Variants in EXOC6B observed in about 807,000 individuals in gnomAD.
EXOC6B encodes the protein SEC15 homolog B.
Under a neutral mutation model 113.5 loss-of-function variants are expected in EXOC6B, and 54 were observed. That is an observed-to-expected ratio of 0.48 (90% CI 0.38 to 0.60). The LOEUF (loss-of-function observed/expected upper bound fraction) is 0.60, where lower values mean the gene tolerates loss of function less well. Ranked by LOEUF, EXOC6B falls within the 20% of genes least tolerant of loss-of-function variation. The pLI, the probability that EXOC6B is intolerant of heterozygous loss-of-function variation, is 0.00. For missense variants in EXOC6B, 797 were observed against 977.5 expected (o/e 0.82, Z 2.46); for synonymous variants, 357 against 339.0 (o/e 1.05, Z -0.58).
intron 6 of EXOC6B, among the ~76,000 whole-genome samples, chr2:72,650,687 A>C (rs1323338973): frequency 6.6e-6 from 1 of 152,104 alleles, no homozygotes; most frequent in Non-Finnish European, 1.5e-5. Flanking sequence ...ATATTTACTG[A>C]AGAGGATATA....
At chr2:72,735,730 C>T (rs1573713039) in intron 2 of EXOC6B, among the ~76,000 whole-genome samples, 1 of 151,458 alleles carries the variant, frequency 6.6e-6, no homozygotes, top group Non-Finnish European at 1.5e-5. Context: ...GCAGGAAAAT[C>T]GCTTGAACCG....
intron 13 of EXOC6B, among the ~76,000 whole-genome samples, chr2:72,497,902 CT>C (rs1411627542): frequency 6.6e-6 from 1 of 152,174 alleles, no homozygotes; most frequent in Non-Finnish European, 1.5e-5. Flanking sequence ...GACAGAATAA[CT>C]TTCTTATTAT....
intron 6 of EXOC6B, among the ~76,000 whole-genome samples, chr2:72,645,727 T>C (rs550255890): frequency 6.6e-6 from 1 of 152,210 alleles, no homozygotes; most frequent in Non-Finnish European, 1.5e-5. Flanking sequence ...GAAATAAAGA[T>C]GTTCTTTGAA....
At chr2:72,312,670 G>A (rs867811683) in intron 20 of EXOC6B, among the ~76,000 whole-genome samples, 1 of 151,676 alleles carries the variant, frequency 6.6e-6, no homozygotes, top group African/African-American at 2.4e-5. Flanking sequence ...CAGGAGAATC[G>A]CTTGAACCCA....
intron 20 of EXOC6B, among the ~76,000 whole-genome samples, chr2:72,187,556 G>A (rs1196175906): frequency 3.3e-5 from 5 of 152,084 alleles, no homozygotes; most frequent in African/African-American, 1.2e-4. Context: ...TAGCAGAAAG[G>A]GTTGCTCCTC....
At chr2:72,236,683 G>C (rs1004766646) in intron 20 of EXOC6B, among the ~76,000 whole-genome samples, 9 of 152,068 alleles carry the variant, frequency 5.9e-5, no homozygotes, top group African/African-American at 2.2e-4. Flanking sequence ...CTCAGCAGAA[G>C]AGTCTTGAAA....
chr2:72,532,288 G>T (rs1156986736), intron 8 of EXOC6B, among the ~76,000 whole-genome samples: 2 of 152,134 alleles, frequency 1.3e-5, no homozygotes, highest in East Asian at 1.9e-4. Flanking sequence ...AAATGCAAGT[G>T]AAATTAACAA....
intron 18 of EXOC6B, among the ~76,000 whole-genome samples, chr2:72,451,304 T>A (rs1317912283): frequency 8.5e-5 from 13 of 152,232 alleles, no homozygotes; most frequent in Non-Finnish European, 1.5e-4. Context: ...GTTGAAAGAC[T>A]GCTTCCCATT....
chr2:72,599,123 A>G (rs957968627), intron 6 of EXOC6B, among the ~76,000 whole-genome samples: 1 of 152,110 alleles, frequency 6.6e-6, no homozygotes, highest in Non-Finnish European at 1.5e-5. Context: ...GTACAGGTCA[A>G]TATCTCTAAT....
intron 18 of EXOC6B, among the ~76,000 whole-genome samples, chr2:72,445,598 T>C (rs539892403): frequency 1.3e-4 from 20 of 152,282 alleles, no homozygotes; most frequent in Middle Eastern, 3.4e-3. Flanking sequence ...GAACAAGTCA[T>C]ATGTGGATAG....
chr2:72,466,099 C>T (rs1698033757), intron 17 of EXOC6B, among the ~76,000 whole-genome samples: 1 of 152,080 alleles, frequency 6.6e-6, no homozygotes, highest in South Asian at 2.1e-4. Context: ...AATCCCAGAA[C>T]TTTGGGAGGC....
intron 11 of EXOC6B, among the ~76,000 whole-genome samples, chr2:72,508,627 A>C (rs542412787): frequency 6.6e-6 from 1 of 152,106 alleles, no homozygotes; most frequent in South Asian, 2.1e-4. Flanking sequence ...CAAAAAAATT[A>C]GTCGGGCATG....
At chr2:72,581,506 C>T (rs1268250028) in intron 6 of EXOC6B, among the ~76,000 whole-genome samples, 1 of 152,026 alleles carries the variant, frequency 6.6e-6, no homozygotes, top group East Asian at 1.9e-4. Context: ...TCATCATGAC[C>T]CAAAGGATTT....
chr2:72,427,733 G>C (rs963563155), intron 18 of EXOC6B, among the ~76,000 whole-genome samples: 2 of 152,168 alleles, frequency 1.3e-5, no homozygotes, highest in Non-Finnish European at 2.9e-5. Flanking sequence ...GAAGGGGGCG[G>C]GACCCTGGTG....
At chr2:72,493,827 G>C (rs1699893359) in intron 15 of EXOC6B, among the ~76,000 whole-genome samples, 1 of 151,984 alleles carries the variant, frequency 6.6e-6, no homozygotes, top group Non-Finnish European at 1.5e-5. Context: ...AAAACTAAGA[G>C]AATAATTATT....
intron 6 of EXOC6B, among the ~76,000 whole-genome samples, chr2:72,583,578 G>A (rs1173427566): frequency 1.3e-5 from 2 of 152,130 alleles, no homozygotes; most frequent in African/African-American, 4.8e-5. Flanking sequence ...AGAGAAACTC[G>A]AACCAAGAAT....
In EXOC6B at chr2:72,690,812, C is replaced by T. The variant is rs370103942; in HGVS notation, c.669+27291G>A. Among the ~76,000 whole-genome samples, 23 of 152,292 alleles carry T rather than the reference C, an allele frequency of 1.5e-4. 2 individuals carry two copies. The highest frequency in any genetic ancestry group is 4.6e-4 in the African/African-American group (19 of 41,572). ...AGGTACTCAGTTAACTTAAATTCTT[C>T]TGTGGCTTAAATTGTGTCTCCCAAA... On this transcript the variant is annotated intron_variant, in intron 6 of 21. Transcript: ENST00000272427.
intron 1 of EXOC6B, among the ~76,000 whole-genome samples, chr2:72,806,284 G>C (rs1685569747): frequency 6.6e-6 from 1 of 152,098 alleles, no homozygotes; most frequent in African/African-American, 2.4e-5. Context: ...GCAGTATTTG[G>C]TTTCCTGTTC....
intron 18 of EXOC6B, among the ~76,000 whole-genome samples, chr2:72,429,577 T>C (rs553649601): frequency 6.6e-6 from 1 of 152,354 alleles, no homozygotes; most frequent in African/African-American, 2.4e-5. Context: ...AGCAATTATT[T>C]ACTATCTGAA....
Sources: gnomAD v4.1 joint callset for allele counts (sites outside exome capture counted in the v4.1 genomes callset) on GRCh38, gnomAD v4.1.1 for gene constraint, MANE v1.5 for transcripts, NCBI Gene and HGNC (gene_info 2026-07-23, HGNC 2026-07-21) for gene names.